The following FBN1 variants were observed in gnomAD, a reference collection of about 807,000 sequenced individuals.
The protein encoded by FBN1 is fibrillin 1, also known as fibrillin-1.
A neutral mutation model predicts 365.1 loss-of-function variants in FBN1; 29 were observed. That is an observed-to-expected ratio of 0.08 (90% CI 0.06 to 0.11). FBN1 has a LOEUF of 0.11. Ranked by LOEUF, FBN1 falls within the 10% of genes least tolerant of loss-of-function variation. FBN1 has a pLI of 1.00. For missense variants in FBN1, 2,476 were observed against 3,703.2 expected (o/e 0.67, Z 8.60); for synonymous variants, 1,210 against 1,270.5 (o/e 0.95, Z 1.01).
chr15:48,522,507 T>C (rs1300421554), intron 9 of FBN1, among the ~76,000 whole-genome samples: 1 of 152,136 alleles, frequency 6.6e-6, no homozygotes, highest in Non-Finnish European at 1.5e-5. Context: ...AAGGGTTAAA[T>C]CCTTTTGTAA....
intron 50 of FBN1, among the ~76,000 whole-genome samples, chr15:48,440,800 T>C (rs193020973): frequency 5.3e-5 from 8 of 151,656 alleles, no homozygotes; most frequent in Admixed American, 1.3e-4. Flanking sequence ...CTAGACTAAA[T>C]ATGGCAGGGC....
At chr15:48,490,570 T>C (rs1203549148) in intron 24 of FBN1, among the ~76,000 whole-genome samples, 2 of 152,222 alleles carry the variant, frequency 1.3e-5, no homozygotes, top group African/African-American at 4.8e-5. Flanking sequence ...GAGGACTGCT[T>C]TACTTGAGAT....
chr15:48,609,040 C>G (rs2044636310), intron 4 of FBN1, among the ~76,000 whole-genome samples: 1 of 152,222 alleles, frequency 6.6e-6, no homozygotes, highest in Non-Finnish European at 1.5e-5. Flanking sequence ...CTATTCCCAA[C>G]TTTATAACTG....
intron 46 of FBN1, among the ~76,000 whole-genome samples, chr15:48,448,558 G>T (rs2043176330): frequency 6.6e-6 from 1 of 151,932 alleles, no homozygotes; most frequent in Non-Finnish European, 1.5e-5. Context: ...TTTCTAAACT[G>T]ACAGCCAAAT....
At position 48,489,937 on chromosome 15, in the gene FBN1, C is replaced by A; in HGVS notation, c.2996G>T (p.Arg999Ile). The A allele has an allele frequency of 6.2e-7, 1 of 1,614,172 alleles. No individual in the cohort carries two copies. The highest frequency in any genetic ancestry group is 1.1e-5 in the South Asian group (1 of 91,072). Residue 999 changes from arginine to isoleucine, a missense_variant, in exon 25 of 66, where the codon AGA (arginine) becomes ATA (isoleucine). Physicochemically the swap from Arg to Ile is moderately conservative, Grantham distance 97 (BLOSUM62 -3). Transcript: ENST00000316623. ...GTEECEECPM[R>I]NTPEYEELCP... is the part of the protein sequence containing the mutation. ...CAGCTCCTCGTACTCAGGAGTATTTCTCATGGGACACTCCTCGCATTCCTC... is the reference window on the plus strand; with the variant it reads ...CAGCTCCTCGTACTCAGGAGTATTTATCATGGGACACTCCTCGCATTCCTC...
chr15:48,465,688 C>T lies in FBN1; in HGVS notation c.4822G>A (p.Asp1608Asn), dbSNP rs2043314957. 1 of 1,613,940 alleles carries T rather than the reference C, an allele frequency of 6.2e-7. No individual in the cohort carries two copies. Among genetic ancestry groups the T allele is most frequent in the Non-Finnish European group, 8.5e-7 (1 of 1,179,972 alleles). ...NPITVILEDI[D>N]ECQELPGLCQ... ...AGCCCTGGTAGCTCCTGGCACTCATCAATATCTATCAAAATCAAAACAAAG... is the reference window on the plus strand; with the variant it reads ...AGCCCTGGTAGCTCCTGGCACTCATTAATATCTATCAAAATCAAAACAAAG... The change falls in exon 40 of 66, where the codon GAT becomes AAT. Residue 1608 changes from aspartate to asparagine, a missense_variant. Around this residue, in one of 5 missense-constraint regions of FBN1, gnomAD observed 1,780 missense variants for 2,840.8 expected, o/e 0.63. Coordinates refer to ENST00000316623, the MANE Select transcript of FBN1 (RefSeq NM_000138.5).
In FBN1 at chr15:48,459,372, G is replaced by A. The variant is rs980291650; in HGVS notation, c.5296+874C>T. On this transcript the variant is annotated intron_variant, in intron 43 of 65. Transcript: ENST00000316623. ...ATGAAGTTTCTTTGGACGTGGACGA[G>A]ACTGTGGAGCCATATGGATTTGGCA... Among the ~76,000 whole-genome samples the A allele has an allele frequency of 3.9e-5, 6 of 152,222 alleles. No individual in the cohort carries two copies. In the East Asian group the frequency reaches 7.7e-4, roughly 20 times the overall value.
At chr15:48,526,486 A>AC (rs2043916446) in intron 8 of FBN1, among the ~76,000 whole-genome samples, 1 of 152,128 alleles carries the variant, frequency 6.6e-6, no homozygotes, top group Non-Finnish European at 1.5e-5. Flanking sequence ...AAATGAAATC[A>AC]CCCCCCTTTA....
At chr15:48,446,161 T>G (rs1881921407) in intron 47 of FBN1, among the ~76,000 whole-genome samples, 1 of 152,182 alleles carries the variant, frequency 6.6e-6, no homozygotes, top group African/African-American at 2.4e-5. Flanking sequence ...AATAAGCATT[T>G]TAATAAAAGT....
At chr15:48,420,666 G>C (rs1209074318) in intron 63 of FBN1, 21 bp downstream of exon 63, 2 of 1,613,898 alleles carry the variant, frequency 1.2e-6, no homozygotes, top group Admixed American at 1.7e-5. Context: ...TGCATCTTGA[G>C]AGTGAGGAAA....
At chr15:48,510,982 C>G (rs1156794505) in intron 13 of FBN1, among the ~76,000 whole-genome samples, 1 of 152,148 alleles carries the variant, frequency 6.6e-6, no homozygotes, top group East Asian at 1.9e-4. Flanking sequence ...TGAACACAAA[C>G]CTCTTTGTCT....
chr15:48,532,945 T>C (rs1419088029), intron 8 of FBN1, among the ~76,000 whole-genome samples: 1 of 152,226 alleles, frequency 6.6e-6, no homozygotes, highest in East Asian at 1.9e-4. Flanking sequence ...TGATGATTTA[T>C]AACCTAAAAA....
At chr15:48,419,293 C>T (rs961357199) in intron 63 of FBN1, among the ~76,000 whole-genome samples, 11 of 152,226 alleles carry the variant, frequency 7.2e-5, no homozygotes, top group African/African-American at 2.2e-4. Flanking sequence ...ATGGCCTGGT[C>T]GCCTCTACCA....
chr15:48,420,195 A>G (rs1398658371), intron 63 of FBN1, among the ~76,000 whole-genome samples: 1 of 61,566 alleles, frequency 1.6e-5, no homozygotes, highest in Non-Finnish European at 3.7e-5. Flanking sequence ...AATCTTGAAA[A>G]ACAAAACAAA....
At chr15:48,610,639 A>T in intron 4 of FBN1, 89 bp downstream of exon 4, 1 of 946,934 alleles carries the variant, frequency 1.1e-6, no homozygotes, top group African/African-American at 1.6e-5. Context: ...AATGTATTGC[A>T]GGAAAGAGGA....
intron 42 of FBN1, 94 bp downstream of exon 42, chr15:48,462,988 C>T: frequency 7.9e-7 from 1 of 1,258,264 alleles, no homozygotes; most frequent in Non-Finnish European, 1.2e-6. Context: ...ATAAACAATG[C>T]ACACTTTGCT....
At chr15:48,645,310 G>A (rs1890284928) in intron 1 of FBN1, among the ~76,000 whole-genome samples, 1 of 152,180 alleles carries the variant, frequency 6.6e-6, no homozygotes, top group South Asian at 2.1e-4. Flanking sequence ...TCTCCGCCAG[G>A]CTGGAAGCCA....
intron 51 of FBN1, 74 bp from the exon 52 acceptor site, chr15:48,437,461 T>C (rs1238933176): frequency 7.8e-7 from 1 of 1,285,420 alleles, no homozygotes; most frequent in Non-Finnish European, 1.1e-6. Context: ...TATTTTGAGG[T>C]AGAAAATTGC....
intron 6 of FBN1, among the ~76,000 whole-genome samples, chr15:48,577,564 T>C (rs2044358708): frequency 6.6e-6 from 1 of 152,208 alleles, no homozygotes; most frequent in Non-Finnish European, 1.5e-5. Flanking sequence ...TCCATTGTAA[T>C]ATGCTCTGGC....
Sources: gnomAD v4.1 joint callset for allele counts (sites outside exome capture counted in the v4.1 genomes callset) on GRCh38, gnomAD v4.1.1 for gene constraint, gnomAD v4.1.1 regional missense constraint, MANE v1.5 for transcripts, NCBI Gene and HGNC (gene_info 2026-07-23, HGNC 2026-07-21) for gene names.